CPAP: variants seen among roughly 807,000 people sequenced by gnomAD.
The protein encoded by CPAP is centrosomal P4.1-associated protein.
chr13:24,927,192 T>C, the CPAP span, among the ~76,000 whole-genome samples: 1 of 152,176 alleles, frequency 6.6e-6, no homozygotes, highest in Non-Finnish European at 1.5e-5. Context: ...GGGACCTTAT[T>C]AGCCCAATGG....
chr13:24,897,114 C>A, the CPAP span, among the ~76,000 whole-genome samples: 1 of 152,140 alleles, frequency 6.6e-6, no homozygotes, highest in East Asian at 1.9e-4. Flanking sequence ...TGGTGGTGGG[C>A]ACCTATAATC....
the CPAP span, among the ~76,000 whole-genome samples, chr13:24,902,236 T>TA: frequency 2.0e-5 from 3 of 151,656 alleles, no homozygotes; most frequent in South Asian, 2.1e-4. Context: ...GGGAAAATGC[T>TA]AAAAAAAAAC....
the CPAP span, among the ~76,000 whole-genome samples, chr13:24,930,357 T>C: frequency 6.6e-6 from 1 of 152,182 alleles, no homozygotes; most frequent in Non-Finnish European, 1.5e-5. Flanking sequence ...TGTGCAGGTT[T>C]GTTACCTAGG....
chr13:24,906,818 G>A, the CPAP span: 8 of 1,614,204 alleles, frequency 5.0e-6, no homozygotes, highest in Non-Finnish European at 5.9e-6. Flanking sequence ...CTGGTCCTCG[G>A]AAGTGCTCTG....
At chr13:24,917,091 A>G in the CPAP span, among the ~76,000 whole-genome samples, 4 of 152,246 alleles carry the variant, frequency 2.6e-5, no homozygotes, top group Admixed American at 2.6e-4. Flanking sequence ...TCTACTAAAA[A>G]TACAAAAAAT....
At chr13:24,908,621 C>T in the CPAP span, among the ~76,000 whole-genome samples, 1 of 97,398 alleles carries the variant, frequency 1.0e-5, no homozygotes, top group Admixed American at 1.1e-4. Flanking sequence ...AATAAAGACA[C>T]TTGACATTCT....
At chr13:24,929,901 A>ATTT in the CPAP span, among the ~76,000 whole-genome samples, 889 of 100,898 alleles carry the variant, frequency 8.8e-3, 19 homozygotes, top group African/African-American at 0.032. Context: ...TCACTTGTGA[A>ATTT]TTTTTTTTTT....
At chr13:24,932,882 C>A in the CPAP span, 1 of 655,954 alleles carries the variant, frequency 1.5e-6, no homozygotes, top group Non-Finnish European at 2.7e-6. Context: ...GTTCAATTTA[C>A]AACATGATTA....
chr13:24,917,727 A>T, the CPAP span, among the ~76,000 whole-genome samples: 23 of 152,368 alleles, frequency 1.5e-4, no homozygotes, highest in South Asian at 4.8e-3. Context: ...AAAGAATACC[A>T]GAGAAGAGAC....
the CPAP span, chr13:24,933,416 T>C: frequency 3.9e-6 from 1 of 253,712 alleles, no homozygotes; most frequent in African/African-American, 2.2e-5. Context: ...AAATAGAATT[T>C]CAGACCAGTC....
chr13:24,893,559 A>T, the CPAP span, among the ~76,000 whole-genome samples: 1 of 152,242 alleles, frequency 6.6e-6, no homozygotes, highest in African/African-American at 2.4e-5. Flanking sequence ...TGGAGAGGAC[A>T]TCTGGGCCCC....
chr13:24,922,422 A>T, the CPAP span, among the ~76,000 whole-genome samples: 1 of 151,096 alleles, frequency 6.6e-6, no homozygotes, highest in South Asian at 2.1e-4. Context: ...TAGGACAGCC[A>T]GCAACGCTAC....
chr13:24,901,834 A>C, the CPAP span, among the ~76,000 whole-genome samples: 50 of 152,188 alleles, frequency 3.3e-4, no homozygotes, highest in Non-Finnish European at 1.5e-4. Flanking sequence ...TCTACCAAAA[A>C]TACAAAAATT....
the CPAP span, among the ~76,000 whole-genome samples, chr13:24,907,632 ATACT>A: frequency 8.9e-6 from 1 of 112,672 alleles, no homozygotes; most frequent in Non-Finnish European, 2.1e-5. Context: ...AAAATATAAA[ATACT>A]TAATCTTTGC....
At chr13:24,925,427 T>G in the CPAP span, among the ~76,000 whole-genome samples, 3 of 152,220 alleles carry the variant, frequency 2.0e-5, no homozygotes, top group Non-Finnish European at 4.4e-5. Context: ...TTTGGGAGAC[T>G]GAAGCGGATA....
At chr13:24,908,169 T>C in the CPAP span, 7 of 1,346,764 alleles carry the variant, frequency 5.2e-6, no homozygotes, top group African/African-American at 2.9e-5. Flanking sequence ...GAAAAGCATA[T>C]TAATGTCTTA....
At chr13:24,905,479 C>G in the CPAP span, 2 of 1,614,196 alleles carry the variant, frequency 1.2e-6, no homozygotes, top group Non-Finnish European at 8.5e-7. Context: ...TCCTCCTGGA[C>G]TTGCTCAAGT....
At chr13:24,899,255 A>T in the CPAP span, among the ~76,000 whole-genome samples, 2 of 152,230 alleles carry the variant, frequency 1.3e-5, 1 homozygote, top group South Asian at 4.1e-4. Flanking sequence ...AAGTCAGACT[A>T]CCAAAGATAT....
At chr13:24,886,875 C>G in the CPAP span, among the ~76,000 whole-genome samples, 2 of 152,198 alleles carry the variant, frequency 1.3e-5, no homozygotes, top group African/African-American at 2.4e-5. Flanking sequence ...AAGTTTAATT[C>G]TTCCCAGGCT....
Sources: gnomAD v4.1 joint callset for allele counts (sites outside exome capture counted in the v4.1 genomes callset) on GRCh38, gnomAD v4.1.1 for gene constraint, MANE v1.5 for transcripts, NCBI Gene and HGNC (gene_info 2026-07-23, HGNC 2026-07-21) for gene names.